Variants in GABRB1 observed in about 807,000 individuals in gnomAD.
GABRB1 encodes the protein gamma-aminobutyric acid receptor subunit beta-1.
A neutral mutation model predicts 51.6 loss-of-function variants in GABRB1; 17 were observed. The observed-to-expected ratio is 0.33, with a 90% confidence interval of 0.23 to 0.49. GABRB1 has a LOEUF of 0.49. Among genes scored for constraint, GABRB1 ranks in the 20% least tolerant of loss-of-function variants. The probability of loss-of-function intolerance (pLI) is 0.99; values close to 1 mark genes in which losing one functional copy is unlikely to be tolerated. For missense variants in GABRB1, 410 were observed against 600.6 expected, an observed-to-expected ratio of 0.68 and a Z score of 3.32; for synonymous variants, 247 against 218.9, an observed-to-expected ratio of 1.13 and a Z score of -1.14.
chr4:47,243,934 G>A (rs2109852716), intron 4 of GABRB1, among the ~76,000 whole-genome samples: 1 of 152,286 alleles, frequency 6.6e-6, no homozygotes, highest in East Asian at 1.9e-4. Flanking sequence ...AATAGGATTA[G>A]TGAGAGAGGG....
intron 3 of GABRB1, among the ~76,000 whole-genome samples, chr4:47,035,512 A>G (rs1725512438): frequency 1.3e-5 from 2 of 152,198 alleles, no homozygotes; most frequent in Admixed American, 1.3e-4. Flanking sequence ...CATGGGATAT[A>G]CTGTTTGTGT....
At chr4:47,218,400 G>A (rs1042568180) in intron 4 of GABRB1, among the ~76,000 whole-genome samples, 1 of 151,626 alleles carries the variant, frequency 6.6e-6, no homozygotes, top group Non-Finnish European at 1.5e-5. Context: ...TTAGTTTTTT[G>A]AGAAACCTCC....
At chr4:47,018,345 C>A (rs1013632802) in intron 1 of GABRB1, among the ~76,000 whole-genome samples, 1 of 152,076 alleles carries the variant, frequency 6.6e-6, no homozygotes, top group African/African-American at 2.4e-5. Flanking sequence ...AGCCACCATG[C>A]CTGGCCTTCT....
intron 4 of GABRB1, among the ~76,000 whole-genome samples, chr4:47,185,850 G>T (rs1719155142): frequency 6.6e-6 from 1 of 151,674 alleles, no homozygotes; most frequent in Non-Finnish European, 1.5e-5. Flanking sequence ...TCAAAAGTTG[G>T]CCTGCAAATC....
At chr4:47,311,751 TGTGAG>T (rs1214732748) in intron 4 of GABRB1, among the ~76,000 whole-genome samples, 1 of 152,170 alleles carries the variant, frequency 6.6e-6, no homozygotes, top group Non-Finnish European at 1.5e-5. Context: ...TAATACTGTA[TGTGAG>T]GTGCTTAGTA....
In GABRB1 at chr4:47,150,340, A is replaced by G. The variant is rs919694734; in HGVS notation, c.241-10909A>G. On this transcript the variant is annotated intron_variant, in intron 3 of 8. Transcript: ENST00000295454. ...CACACACACACACACACACACACAC[A>G]CACGCACATACACACACACACACGC... 5.7e-3 allele frequency among the ~76,000 whole-genome samples: 752 copies of G among 133,012 alleles called. 7 individuals are homozygous for G. The highest frequency in any genetic ancestry group is 0.039 in the South Asian group (146 of 3,710). The allele number at this position is 133,012 out of a possible 152,430, so 87.3% of individuals were successfully genotyped here. A position where few individuals can be genotyped will look rare whatever the true frequency, so the allele number is the denominator to read the frequency against.
At chr4:47,142,154 T>C (rs1716966761) in intron 3 of GABRB1, among the ~76,000 whole-genome samples, 1 of 151,846 alleles carries the variant, frequency 6.6e-6, no homozygotes, top group Non-Finnish European at 1.5e-5. Flanking sequence ...GTCTCTTGCA[T>C]TGTGGGATGA....
chr4:47,132,408 TTTGGTTTGG>T (rs1716460586), intron 3 of GABRB1, among the ~76,000 whole-genome samples: 2 of 144,542 alleles, frequency 1.4e-5, no homozygotes, highest in Non-Finnish European at 1.5e-5. Context: ...TTTGGTTTGG[TTTGGTTTGG>T]TTTGGTTTGG....
intron 5 of GABRB1, among the ~76,000 whole-genome samples, chr4:47,392,273 G>A (rs543660447): frequency 2.0e-5 from 3 of 151,302 alleles, no homozygotes; most frequent in African/African-American, 4.9e-5. Context: ...GGCAGCAGTC[G>A]CCAGAAACTG....
chr4:46,997,401 T>TAA, intron 1 of GABRB1, among the ~76,000 whole-genome samples: 1 of 150,498 alleles, frequency 6.6e-6, no homozygotes, highest in Non-Finnish European at 1.5e-5. Flanking sequence ...GTACATTAGA[T>TAA]CTTATTATAC....
chr4:47,000,211 G>A (rs571816291), intron 1 of GABRB1, among the ~76,000 whole-genome samples: 1 of 152,280 alleles, frequency 6.6e-6, no homozygotes, highest in South Asian at 2.1e-4. Flanking sequence ...TATGCATGTT[G>A]TAGGTATGTA....
At chr4:47,134,865 C>A (rs1381252804) in intron 3 of GABRB1, among the ~76,000 whole-genome samples, 2 of 152,144 alleles carry the variant, frequency 1.3e-5, no homozygotes. Context: ...GCCTCTAATC[C>A]CAGCACTTTG....
upstream of GABRB1, chr4:47,031,543 C>T: frequency 1.2e-6 from 1 of 853,596 alleles, no homozygotes; most frequent in South Asian, 1.5e-5. Flanking sequence ...TGGTAGTGAG[C>T]GCGCTCTGCG....
At chr4:47,032,179 A>G (rs1725344642) in intron 2 of GABRB1, among the ~76,000 whole-genome samples, 174 bp downstream of exon 2, 1 of 147,900 alleles carries the variant, frequency 6.8e-6, no homozygotes, top group Non-Finnish European at 1.5e-5. Flanking sequence ...CCCCAGTCTC[A>G]GGTGGATGAA....
intron 3 of GABRB1, among the ~76,000 whole-genome samples, chr4:47,105,709 C>G (rs1319854957): frequency 1.3e-5 from 2 of 152,046 alleles, no homozygotes; most frequent in African/African-American, 2.4e-5. Flanking sequence ...TCCGAGTGAG[C>G]CTTCTTGTCC....
rs1310937941 is a variant in GABRB1 at position 47,425,817 on chromosome 4, G to C, written c.1224G>C (p.Leu408=). ...CCAGCATCCAGTACCGCAAGCCCCT[G>C]AGCAGCCGCGAGGCCTACGGGCGCG... ...DSASIQYRKP[L]SSREAYGRAL... The change falls in exon 9 of 9, where the codon CTG becomes CTC. Residue 408 remains leucine, a synonymous_variant. Coordinates refer to ENST00000295454, the MANE Select transcript of GABRB1 (RefSeq NM_000812.4). 6.2e-7 allele frequency: 1 copy of C among 1,614,110 alleles called. No individual in the cohort carries two copies. Among genetic ancestry groups the C allele is most frequent in the Non-Finnish European group, 8.5e-7 (1 of 1,180,010 alleles).
At chr4:47,110,658 A>C (rs1715178659) in intron 3 of GABRB1, among the ~76,000 whole-genome samples, 1 of 152,172 alleles carries the variant, frequency 6.6e-6, no homozygotes, top group Admixed American at 6.6e-5. Context: ...ATAGGATTTA[A>C]TTTTCACTCA....
At chr4:47,396,558 T>C (rs960355144) in intron 5 of GABRB1, among the ~76,000 whole-genome samples, 6 of 152,244 alleles carry the variant, frequency 3.9e-5, no homozygotes, top group Non-Finnish European at 8.8e-5. Context: ...TCTTTAATGA[T>C]TAATTTCTAG....
intron 4 of GABRB1, among the ~76,000 whole-genome samples, chr4:47,314,493 A>AT (rs1046408566): frequency 1.3e-5 from 2 of 151,984 alleles, no homozygotes; most frequent in Admixed American, 6.6e-5. Context: ...ACCAGATGAC[A>AT]TTTTTTCTGA....
Sources: allele counts gnomAD v4.1 joint callset (sites outside exome capture counted in the v4.1 genomes callset), GRCh38; gene constraint gnomAD v4.1.1; transcripts MANE v1.5; gene names NCBI Gene and HGNC (gene_info 2026-07-23, HGNC 2026-07-21).